The following ZNF91 variants were observed in gnomAD, a reference collection of about 807,000 sequenced individuals.
The protein encoded by ZNF91 is zinc finger protein 91 (HPF7, HTF10).
A neutral mutation model predicts 12.6 loss-of-function variants in ZNF91; 7 were observed. The observed-to-expected ratio is 0.55, with a 90% CI of 0.31 to 1.04. ZNF91 has a LOEUF of 1.04. Ranked by LOEUF, ZNF91 falls within the 50% of genes least tolerant of loss-of-function variation. The pLI is 0.05. For missense variants in ZNF91, 1,217 were observed against 1,385.4 expected (o/e 0.88, Z 1.93); for synonymous variants, 453 against 462.6 (o/e 0.98, Z 0.27).
chr19:23,387,183 A>G lies in ZNF91; in HGVS notation c.30+8142T>C, dbSNP rs1969900155. ...TTCAGAGAAAAGGGAATACTTATAC[A>G]TTGCTGTTAACAGTGTACATTAATT... On this transcript the variant is annotated intron_variant, in intron 1 of 3. Coordinates refer to ENST00000300619, the MANE Select transcript of ZNF91 (RefSeq NM_003430.4). Among the ~76,000 whole-genome samples, 2 of 152,380 alleles carry G rather than the reference A, an allele frequency of 1.3e-5. 1 individual carries two copies. The highest frequency in any genetic ancestry group is 4.1e-4 in the South Asian group (2 of 4,830).
chr19:23,351,561 ATGAT>A, intron 3 of ZNF91, among the ~76,000 whole-genome samples: 1 of 152,284 alleles, frequency 6.6e-6, no homozygotes, highest in South Asian at 2.1e-4. Flanking sequence ...AGAAATGTAA[ATGAT>A]TGCAATTCTA....
In ZNF91 at chr19:23,329,533, G is replaced by C. The variant is rs147354737; in HGVS notation, n.117-20436C>G. On this transcript the variant is annotated intron_variant and non_coding_transcript_variant, in intron 1 of 1. Transcript: ENST00000596528. ...TGAAAATAAAGTTTATGTAGTAAACGGAAGTTGCTGTTTATCTACTGGATG... is the reference window on the plus strand; with the variant it reads ...TGAAAATAAAGTTTATGTAGTAAACCGAAGTTGCTGTTTATCTACTGGATG... Among the ~76,000 whole-genome samples, 7 of 152,290 alleles carry C rather than the reference G, an allele frequency of 4.6e-5. No individual in the cohort carries two copies. The East Asian group carries it at 1.4e-3, about 29-fold the overall frequency.
At chr19:23,368,556 C>CTATATATATATA (rs1380653223) in intron 3 of ZNF91, among the ~76,000 whole-genome samples, 3 of 117,828 alleles carry the variant, frequency 2.5e-5, no homozygotes, top group African/African-American at 1.0e-4. Flanking sequence ...CTCTCTCTCT[C>CTATATATATATA]TCTCTCTATA....
intron 1 of ZNF91, among the ~76,000 whole-genome samples, chr19:23,383,697 A>G (rs772307921): frequency 7.2e-5 from 11 of 152,160 alleles, no homozygotes. Flanking sequence ...AAAAGAAAAA[A>G]AAAAAGCTTG....
chr19:23,372,262 G>C (rs1599739605), intron 3 of ZNF91, among the ~76,000 whole-genome samples: 1 of 151,922 alleles, frequency 6.6e-6, no homozygotes, highest in East Asian at 1.9e-4. Flanking sequence ...TCTCCTGACA[G>C]CAAGAAAATT....
At chr19:23,391,709 T>C (rs776354636) in intron 1 of ZNF91, among the ~76,000 whole-genome samples, 3 of 152,136 alleles carry the variant, frequency 2.0e-5, no homozygotes, top group Non-Finnish European at 4.4e-5. Context: ...TGCGTGTGGG[T>C]TGCCAGCTTT....
At chr19:23,336,803 G>A (rs904225363), downstream of ZNF91, among the ~76,000 whole-genome samples, 4 of 151,788 alleles carry the variant, frequency 2.6e-5, no homozygotes, top group South Asian at 2.1e-4. Context: ...ATGGATTCTC[G>A]CTGTCGCCCA....
chr19:23,335,735 T>C (rs1967995773), downstream of ZNF91, among the ~76,000 whole-genome samples: 1 of 152,296 alleles, frequency 6.6e-6, no homozygotes, highest in African/African-American at 2.4e-5. Flanking sequence ...CGGCTTCCCT[T>C]GCCTAGGAAA....
At chr19:23,370,239 A>T (rs1969220530) in intron 3 of ZNF91, among the ~76,000 whole-genome samples, 1 of 152,028 alleles carries the variant, frequency 6.6e-6, no homozygotes, top group African/African-American at 2.4e-5. Flanking sequence ...AACACAAAAA[A>T]CTTGTCACAT....
Position 23,360,722 on chromosome 19 carries a change from A to C in ZNF91, c.2257T>G (p.Trp753Gly), listed in dbSNP as rs879092659. 13 of 1,612,608 alleles carry C rather than the reference A, an allele frequency of 8.1e-6. No individual in the cohort carries two copies. The highest frequency in any genetic ancestry group is 1.1e-5 in the Non-Finnish European group (13 of 1,179,610). The change falls in exon 4 of 4, where the codon TGG becomes GGG. Residue 753 changes from tryptophan (W) to glycine (G), a missense_variant. Trp to Gly is a radical substitution (Grantham distance 184, BLOSUM62 -2). Transcript: ENST00000300619. ...TTATGTTTAGTAAGGCTTGAGGACC[A>C]GTTAAATGCTTTGCCACATTCTTCA... ...KCEECGKAFN[W>G]SSSLTKHKRI...
intron 1 of ZNF91, among the ~76,000 whole-genome samples, chr19:23,316,216 T>C (rs1303319774): frequency 6.7e-6 from 1 of 150,236 alleles, no homozygotes; most frequent in Non-Finnish European, 1.5e-5. Context: ...TTTTGTGACA[T>C]ATTGCTGGGC....
chr19:23,380,266 C>CAAAAAAAAAAAAAAAA (rs199502898), intron 1 of ZNF91: 4 of 52,740 alleles, frequency 7.6e-5, no homozygotes, highest in African/African-American at 2.3e-4. Context: ...AAATCCGTCT[C>CAAAAAAAAAAAAAAAA]AAAAAAAAAA....
In ZNF91 at chr19:23,360,439, A is replaced by G; in HGVS notation, c.2540T>C (p.Ile847Thr). 2 of 1,613,996 alleles carry G rather than the reference A, an allele frequency of 1.2e-6. No homozygotes were observed. The highest frequency in any genetic ancestry group is 1.7e-6 in the Non-Finnish European group (2 of 1,179,980). The change falls in exon 4 of 4, where the codon ATA (isoleucine) becomes ACA (threonine). Residue 847 changes from isoleucine to threonine, a missense_variant. By Grantham distance (89) the Ile-to-Thr change is moderately conservative. Transcript: ENST00000300619. ...HSSALAKHKIIHAGEKLYKCE... is the reference protein window; with the variant it reads ...HSSALAKHKITHAGEKLYKCE... ...TTTGTAGAGTTTCTCTCCAGCATGT[A>G]TTATTTTATGTTTAGCAAGGGCTGA...
intron 3 of ZNF91, among the ~76,000 whole-genome samples, chr19:23,345,689 C>T (rs1234928370): frequency 6.6e-6 from 1 of 152,054 alleles, no homozygotes; most frequent in African/African-American, 2.4e-5. Context: ...TCTTCTTTCA[C>T]CCCCAAGCCT....
intron 3 of ZNF91, chr19:23,339,988 A>C (rs899805321): frequency 6.6e-6 from 1 of 151,646 alleles, no homozygotes; most frequent in Non-Finnish European, 1.5e-5. Context: ...AATTTGTGGG[A>C]AAAAAGATGG....
intron 1 of ZNF91, among the ~76,000 whole-genome samples, chr19:23,389,414 A>AC (rs1009009829): frequency 1.2e-4 from 18 of 152,258 alleles, no homozygotes; most frequent in South Asian, 4.1e-4. Flanking sequence ...AAAAAAAAAA[A>AC]AAAACACTAG....
At chr19:23,328,824 GGATA>G (rs1167443456) in intron 1 of ZNF91, 1 of 152,174 alleles carries the variant, frequency 6.6e-6, no homozygotes, top group Non-Finnish European at 1.5e-5. Context: ...TGTGGGGAAG[GGATA>G]GATAACTTCC....
intron 1 of ZNF91, among the ~76,000 whole-genome samples, chr19:23,383,465 A>G (rs924190856): frequency 2.0e-5 from 3 of 152,170 alleles, no homozygotes; most frequent in Admixed American, 2.0e-4. Flanking sequence ...AGGCAGGTGG[A>G]TCGCCTGAGG....
chr19:23,352,224 C>T (rs1461523264), intron 3 of ZNF91, among the ~76,000 whole-genome samples: 1 of 152,166 alleles, frequency 6.6e-6, no homozygotes, highest in African/African-American at 2.4e-5. Flanking sequence ...GAGACCCGCT[C>T]TTTGGTTTGC....
Sources: allele counts gnomAD v4.1 joint callset (sites outside exome capture counted in the v4.1 genomes callset), GRCh38; gene constraint gnomAD v4.1.1; transcripts MANE v1.5; gene names NCBI Gene and HGNC (gene_info 2026-07-23, HGNC 2026-07-21).